Variants in WDTC1 observed in about 807,000 individuals in gnomAD.
WDTC1 encodes the protein WD and tetratricopeptide repeats 1, also known as WD and tetratricopeptide repeats protein 1.
A neutral mutation model predicts 76.0 loss-of-function variants in WDTC1; 12 were observed. That is an observed-to-expected ratio of 0.16 (90% CI 0.10 to 0.26). WDTC1 has a LOEUF of 0.26. WDTC1 is among the 10% of genes least tolerant of loss of function. The pLI is 1.00. For synonymous variants in WDTC1, 326 were observed against 350.8 expected (o/e 0.93, Z 0.79); for missense variants, 511 against 908.8 (o/e 0.56, Z 5.63).
In WDTC1 at chr1:27,301,123, C is replaced by T; in HGVS notation, c.1233-103C>T. ...CAAGTCCCCTTGCCATGAGATCTGTCAGTGGTGGGCTGGGGTGGCCACAGG... is the reference window on the plus strand; with the variant it reads ...CAAGTCCCCTTGCCATGAGATCTGTTAGTGGTGGGCTGGGGTGGCCACAGG... On this transcript the variant is annotated intron_variant, in intron 12 of 15. Transcript: ENST00000319394. The surrounding 1 kb of genome is among the most constrained non-coding windows in gnomAD (Gnocchi z 5.8). 1 of 964,258 alleles carries T rather than the reference C, an allele frequency of 1.0e-6. No individual in the cohort carries two copies. Among genetic ancestry groups the T allele is most frequent in the Admixed American group, 2.1e-5 (1 of 48,508 alleles). 59.7% of individuals were successfully genotyped at this position (964,258 alleles called of 1,614,324 possible).
intron 2 of WDTC1, among the ~76,000 whole-genome samples, chr1:27,262,218 A>G (rs1329838702): frequency 6.6e-6 from 1 of 152,008 alleles, no homozygotes; most frequent in Non-Finnish European, 1.5e-5. Context: ...GTGAGCCACC[A>G]TGCCTGACCT....
chr1:27,288,684 C>A (rs1331638792), intron 6 of WDTC1, among the ~76,000 whole-genome samples: 5 of 151,808 alleles, frequency 3.3e-5, no homozygotes. Flanking sequence ...CACAGATCAA[C>A]AGGATCCCAA....
Position 27,253,489 on chromosome 1 carries a change from CTTCT to C in WDTC1, c.-99-7461_-99-7458del, listed in dbSNP as rs1464954407. 4.4e-5 allele frequency among the ~76,000 whole-genome samples: 6 copies of C among 135,494 alleles called. No individual in the cohort carries two copies. In the South Asian group the frequency reaches 1.4e-3, roughly 32 times the overall value. The allele number at this position is 135,494 out of a possible 152,430, so 88.9% of individuals were successfully genotyped here. A position where few individuals can be genotyped will look rare whatever the true frequency, so the allele number is the denominator to read the frequency against. The stretch of plus-strand genomic sequence containing the variant: ...TTCCTCTTCCTCTTCTTCTCTCTTT[CTTCT>C]TTCTTCTTCTTTCTTTCTTTCTTTT... On this transcript the variant is annotated intron_variant, in intron 1 of 15. Coordinates refer to ENST00000319394, the MANE Select transcript of WDTC1 (RefSeq NM_001276252.2).
intron 1 of WDTC1, among the ~76,000 whole-genome samples, chr1:27,244,598 CG>C (rs1316780945): frequency 6.6e-6 from 1 of 152,162 alleles, no homozygotes; most frequent in East Asian, 1.9e-4. Context: ...CCTCCTGCCT[CG>C]GTCTCCCAAA....
chr1:27,261,099 C>G lies in WDTC1; in HGVS notation c.45C>G (p.Ile15Met), dbSNP rs2012464456. The G allele has an allele frequency of 5.6e-6, 9 of 1,614,048 alleles. No individual in the cohort carries two copies. The highest frequency in any genetic ancestry group is 5.9e-6 in the Non-Finnish European group (7 of 1,179,956). The change falls in exon 2 of 16, where the codon ATC becomes ATG. Residue 15 changes from isoleucine (I) to methionine (M), a missense_variant. Physicochemically the swap from Ile to Met is conservative, Grantham distance 10 (BLOSUM62 1). Coordinates refer to ENST00000319394, the MANE Select transcript of WDTC1 (RefSeq NM_001276252.2). ...CTAGAGACCTCATCCGTAGGCAGAT[C>G]AAGGTAAGCAGCCCAGACTTCTGCA... ...NITRDLIRRQIKERGALSFER... is the reference protein window; with the variant it reads ...NITRDLIRRQMKERGALSFER...
rs78807692 is a variant in WDTC1, at chr1:27,273,840, T to C, written c.133-8399T>C. Among the ~76,000 whole-genome samples the C allele has an allele frequency of 1.7e-3, 263 of 151,852 alleles. 3 individuals are homozygous for C. Among genetic ancestry groups the C allele is most frequent in the African/African-American group, 5.7e-3 (237 of 41,336 alleles). ...TTACACGTGTGTGTGTGTGTGTGTGTGCGTGTGTAGAGAGAGAGAAAGGAG... is the reference window on the plus strand; with the variant it reads ...TTACACGTGTGTGTGTGTGTGTGTGCGCGTGTGTAGAGAGAGAGAAAGGAG... On this transcript the variant is annotated intron_variant, in intron 3 of 15. Transcript: ENST00000319394.
chr1:27,258,962 TG>T (rs2012381351), intron 1 of WDTC1, among the ~76,000 whole-genome samples: 1 of 152,172 alleles, frequency 6.6e-6, no homozygotes, highest in Non-Finnish European at 1.5e-5. Flanking sequence ...ACTAAACTTC[TG>T]TGTGGCTTCA....
chr1:27,258,324 G>C (rs1425490630), intron 1 of WDTC1, among the ~76,000 whole-genome samples: 2 of 151,544 alleles, frequency 1.3e-5, no homozygotes, highest in Non-Finnish European at 2.9e-5. Context: ...CCTGAGGTCG[G>C]GAGTTCGAGA....
intron 9 of WDTC1, among the ~76,000 whole-genome samples, chr1:27,295,863 T>C (rs2013669692): frequency 6.6e-6 from 1 of 152,100 alleles, no homozygotes; most frequent in Admixed American, 6.6e-5. Flanking sequence ...CATCCCAGGC[T>C]CAAGTGATTC....
At chr1:27,298,837 G>T (rs573464880) in intron 12 of WDTC1, among the ~76,000 whole-genome samples, 1 of 147,942 alleles carries the variant, frequency 6.8e-6, no homozygotes, top group Non-Finnish European at 1.5e-5. Flanking sequence ...TCTGGCATCC[G>T]TCGGCTCTGC....
chr1:27,266,866 A>G (rs2012689522), intron 3 of WDTC1, among the ~76,000 whole-genome samples: 1 of 152,084 alleles, frequency 6.6e-6, no homozygotes, highest in African/African-American at 2.4e-5. Context: ...TGGGCAAAAC[A>G]TTTTTTCCTG....
chr1:27,302,868 C>T (rs755199878), intron 13 of WDTC1, among the ~76,000 whole-genome samples: 7 of 152,200 alleles, frequency 4.6e-5, no homozygotes, highest in Non-Finnish European at 1.0e-4. Context: ...ACTTGTGTGA[C>T]TTTACCTGTC....
chr1:27,289,874 A>C (rs926534508), intron 6 of WDTC1, among the ~76,000 whole-genome samples: 17 of 152,348 alleles, frequency 1.1e-4, no homozygotes, highest in African/African-American at 2.6e-4. Context: ...AATCGCAGGC[A>C]CTCGGCAGGC....
At chr1:27,293,011 C>G (rs1254823215) in intron 7 of WDTC1, among the ~76,000 whole-genome samples, 1 of 151,194 alleles carries the variant, frequency 6.6e-6, no homozygotes, top group Non-Finnish European at 1.5e-5. Context: ...CTCGGCCTCC[C>G]AAAGTGTTGG....
intron 3 of WDTC1, among the ~76,000 whole-genome samples, chr1:27,264,321 A>G (rs1296134436): frequency 6.6e-6 from 1 of 152,002 alleles, no homozygotes; most frequent in Non-Finnish European, 1.5e-5. Flanking sequence ...GCCAGGTTCA[A>G]TGACACATGC....
At chr1:27,251,011 C>G (rs748852723) in intron 1 of WDTC1, among the ~76,000 whole-genome samples, 1 of 129,592 alleles carries the variant, frequency 7.7e-6, no homozygotes. Context: ...GGATTACTGG[C>G]GTGCACCACT....
chr1:27,280,088 T>C (rs943651530), intron 3 of WDTC1, among the ~76,000 whole-genome samples: 9 of 152,218 alleles, frequency 5.9e-5, no homozygotes, highest in African/African-American at 2.2e-4. Context: ...GAAATACAGC[T>C]TGTACACATA....
At chr1:27,278,676 T>C (rs748631510) in intron 3 of WDTC1, among the ~76,000 whole-genome samples, 5 of 152,250 alleles carry the variant, frequency 3.3e-5, no homozygotes, top group Non-Finnish European at 5.9e-5. Flanking sequence ...TCAGGCCTGT[T>C]ATTTTTATAC....
intron 3 of WDTC1, among the ~76,000 whole-genome samples, chr1:27,280,970 A>G (rs1223844963): frequency 6.6e-6 from 1 of 150,412 alleles, no homozygotes; most frequent in Non-Finnish European, 1.5e-5. Flanking sequence ...TTTTTATTTT[A>G]TTTTATTTTA....
Sources: allele counts gnomAD v4.1 joint callset (sites outside exome capture counted in the v4.1 genomes callset), GRCh38; gene constraint gnomAD v4.1.1; non-coding constraint Gnocchi (gnomAD v3.1); transcripts MANE v1.5; gene names NCBI Gene and HGNC (gene_info 2026-07-23, HGNC 2026-07-21).